The following SLC4A3 variants were observed in gnomAD, a reference collection of about 807,000 sequenced individuals.
The protein encoded by SLC4A3 is anion exchange protein 3.
A neutral mutation model predicts 114.2 loss-of-function variants in SLC4A3; 47 were observed. The observed-to-expected ratio is 0.41, with a 90% CI of 0.33 to 0.52. The LOEUF (loss-of-function observed/expected upper bound fraction) is 0.52, where lower values mean the gene tolerates loss of function less well. Among genes scored for constraint, SLC4A3 ranks in the 20% least tolerant of loss-of-function variants. The probability of loss-of-function intolerance (pLI) is 0.21; values close to 1 mark genes in which losing one functional copy is unlikely to be tolerated. For missense variants in SLC4A3, 1,312 were observed against 1,668.3 expected, an observed-to-expected ratio of 0.79 and a Z score of 3.72; for synonymous variants, 693 against 710.3, an observed-to-expected ratio of 0.98 and a Z score of 0.39.
rs1698815548 is a variant in SLC4A3, at chr2:219,628,865, C to T, written c.218-279C>T. 1.7e-6 allele frequency: 1 copy of T among 582,186 alleles called. No individual in the cohort carries two copies. Among genetic ancestry groups the T allele is most frequent in the African/African-American group, 1.9e-5 (1 of 53,550 alleles). The allele number at this position is 582,186 out of a possible 1,614,324, so 36.1% of individuals were successfully genotyped here. On this transcript the variant is annotated intron_variant, in intron 3 of 22. Coordinates refer to ENST00000358055, the MANE Select transcript of SLC4A3 (RefSeq NM_005070.4). The surrounding 1 kb of genome is among the most constrained non-coding windows in gnomAD (Gnocchi z 4.8). The stretch of plus-strand genomic sequence containing the variant: ...GTCCCCACTCACTCCCTCCTTGTCC[C>T]ACCTCGGCTAGTCCAACTCCGCCTT...
In SLC4A3 at chr2:219,636,466, G is replaced by A. The variant is rs747763230; in HGVS notation, c.2340+16G>A. ...CTTCTTCAAGGTGAGGCGAAGCCTT[G>A]CCCTGCTCCATCCATCCTGCCCCAC... On this transcript the variant is annotated intron_variant, in intron 15 of 22. Coordinates refer to ENST00000358055, the MANE Select transcript of SLC4A3 (RefSeq NM_005070.4). This position sits in a 1 kb window ranked among gnomAD's most constrained non-coding sequence, Gnocchi z 5.5. 1 of 1,588,656 alleles carries A rather than the reference G, an allele frequency of 6.3e-7. No homozygotes were observed.
In SLC4A3 at chr2:219,631,913, G is replaced by T; in HGVS notation, c.812-55G>T. ...GGTTGGGCAGAAGGAGCTGGGCCGT[G>T]ACCCCGAGGGCCCCAGCTGGACCTG... On this transcript the variant is annotated intron_variant, in intron 6 of 22. Coordinates refer to ENST00000358055, the MANE Select transcript of SLC4A3 (RefSeq NM_005070.4). This position sits in a 1 kb window ranked among gnomAD's most constrained non-coding sequence, Gnocchi z 6.3. 1 of 1,528,692 alleles carries T rather than the reference G, an allele frequency of 6.5e-7. No homozygotes were observed. Among genetic ancestry groups the T allele is most frequent in the Non-Finnish European group, 8.8e-7 (1 of 1,139,606 alleles). The allele number at this position is 1,528,692 out of a possible 1,614,324, so 94.7% of individuals were successfully genotyped here.
In SLC4A3 at chr2:219,633,954, T is replaced by C; in HGVS notation, c.1536T>C (p.Asp512=). 1 of 1,558,592 alleles carries C rather than the reference T, an allele frequency of 6.4e-7. No homozygotes were observed. The highest frequency in any genetic ancestry group is 1.2e-5 in the South Asian group (1 of 84,454). The stretch of plus-strand genomic sequence containing the variant: ...AGCTGCTGGAGAAGATCCCTGAAGA[T>C]GCTGAGGCCACGGTTGTGCTTGTGG... ...SLKLLEKIPE[D]AEATVVLVGC... The change falls in exon 11 of 23, where the codon GAT becomes GAC. Residue 512 remains aspartate (D), a synonymous_variant. Transcript: ENST00000358055.
In SLC4A3 at chr2:219,636,532, C is replaced by T; in HGVS notation, c.2340+82C>T. On this transcript the variant is annotated intron_variant, in intron 15 of 22. Coordinates refer to ENST00000358055, the MANE Select transcript of SLC4A3 (RefSeq NM_005070.4). This position sits in a 1 kb window ranked among gnomAD's most constrained non-coding sequence, Gnocchi z 5.5. ...CATCCTGCCCCACACTCTTCCTTACCTACATCCTGCCCCACACTCTTCCTT... is the reference window on the plus strand; with the variant it reads ...CATCCTGCCCCACACTCTTCCTTACTTACATCCTGCCCCACACTCTTCCTT... 4.7e-6 allele frequency: 7 copies of T among 1,505,182 alleles called. 1 individual carries two copies. The highest frequency in any genetic ancestry group is 1.4e-5 in the African/African-American group (1 of 71,642). 93.2% of individuals were successfully genotyped at this position (1,505,182 alleles called of 1,614,324 possible).
In SLC4A3 at chr2:219,631,359, C is replaced by T; in HGVS notation, c.812-609C>T. Reference sequence around the variant, plus strand: ...CCCCAGTCCTCGAGACTCACTGGCCCCGGAAGACTTAGAGATGTTTGTGCT... The same window carrying T: ...CCCCAGTCCTCGAGACTCACTGGCCTCGGAAGACTTAGAGATGTTTGTGCT... On this transcript the variant is annotated intron_variant, in intron 6 of 22. Transcript: ENST00000358055. This position sits in a 1 kb window ranked among gnomAD's most constrained non-coding sequence, Gnocchi z 6.3. 1 of 1,304,246 alleles carries T rather than the reference C, an allele frequency of 7.7e-7. No individual in the cohort carries two copies. The highest frequency in any genetic ancestry group is 1.0e-6 in the Non-Finnish European group (1 of 988,944). 80.8% of individuals were successfully genotyped at this position (1,304,246 alleles called of 1,614,324 possible).
rs756024392 is a variant in SLC4A3, at chr2:219,636,919, A to C, written c.2535+45A>C. 2.0e-5 allele frequency: 31 copies of C among 1,514,836 alleles called. No homozygotes were observed. In the South Asian group the frequency reaches 3.6e-4, roughly 18 times the overall value. 93.8% of individuals were successfully genotyped at this position (1,514,836 alleles called of 1,614,324 possible). Reference sequence around the variant, plus strand: ...TTGGGGGTGGCAGAGATGGAGGTGGACATTGCCCTGGGGAGGACAGCATGG... The same window carrying C: ...TTGGGGGTGGCAGAGATGGAGGTGGCCATTGCCCTGGGGAGGACAGCATGG... On this transcript the variant is annotated intron_variant, in intron 16 of 22. Coordinates refer to ENST00000358055, the MANE Select transcript of SLC4A3 (RefSeq NM_005070.4). This position sits in a 1 kb window ranked among gnomAD's most constrained non-coding sequence, Gnocchi z 5.5.
At position 219,641,842 on chromosome 2, in the gene SLC4A3, G is replaced by A; in HGVS notation, c.*114G>A. 2.5e-6 allele frequency: 2 copies of A among 814,214 alleles called. No homozygotes were observed. The highest frequency in any genetic ancestry group is 4.1e-6 in the Non-Finnish European group (2 of 491,264). The allele number at this position is 814,214 out of a possible 1,614,324, so 50.4% of individuals were successfully genotyped here. On this transcript the variant is annotated 3_prime_UTR_variant, in exon 23 of 23. Transcript: ENST00000358055. This position sits in a 1 kb window ranked among gnomAD's most constrained non-coding sequence, Gnocchi z 4.0. The stretch of plus-strand genomic sequence containing the variant: ...TCCTCAGGACCCAGAGATGTGCCTG[G>A]AACCACTCCTGATGCCATGGCTAGA...
chr2:219,641,027 T>C lies in SLC4A3; in HGVS notation c.3621+65T>C, dbSNP rs1699310194. On this transcript the variant is annotated intron_variant, in intron 22 of 22. Transcript: ENST00000358055. This position sits in a 1 kb window ranked among gnomAD's most constrained non-coding sequence, Gnocchi z 4.0. ...ATGGGCACTGGGTTCCAATCTCTGT[T>C]TGGCCACCCACTAGTTGTGTTAGTT... 2 of 1,471,710 alleles carry C rather than the reference T, an allele frequency of 1.4e-6. No homozygotes were observed. The highest frequency in any genetic ancestry group is 4.5e-5 in the East Asian group (2 of 44,020). The allele number at this position is 1,471,710 out of a possible 1,614,324, so 91.2% of individuals were successfully genotyped here. A position where few individuals can be genotyped will look rare whatever the true frequency, so the allele number is the denominator to read the frequency against.
Position 219,631,485 on chromosome 2 carries a change from G to A in SLC4A3, c.812-483G>A, listed in dbSNP as rs763713079. 53 of 1,297,678 alleles carry A rather than the reference G, an allele frequency of 4.1e-5. No homozygotes were observed. Among genetic ancestry groups the A allele is most frequent in the Admixed American group, 1.4e-4 (6 of 43,302 alleles). 80.4% of individuals were successfully genotyped at this position (1,297,678 alleles called of 1,614,324 possible). A position where few individuals can be genotyped will look rare whatever the true frequency, so the allele number is the denominator to read the frequency against. On this transcript the variant is annotated intron_variant, in intron 6 of 22. Transcript: ENST00000358055. This position sits in a 1 kb window ranked among gnomAD's most constrained non-coding sequence, Gnocchi z 6.3. ...GTAACGGGGCTGCTGGCCTTTCCCC[G>A]ACTGCTGCTGGCCTGGGTGGGGCAG...
chr2:219,637,508 A>T lies in SLC4A3; in HGVS notation c.2536-73A>T. On this transcript the variant is annotated intron_variant, in intron 16 of 22. Coordinates refer to ENST00000358055, the MANE Select transcript of SLC4A3 (RefSeq NM_005070.4). The surrounding 1 kb of genome is among the most constrained non-coding windows in gnomAD (Gnocchi z 4.6). ...ATTGAGGGGCCACCCTCTCTCTCACAGGTGTACTGATGACGATGAAGTCAG... is the reference window on the plus strand; with the variant it reads ...ATTGAGGGGCCACCCTCTCTCTCACTGGTGTACTGATGACGATGAAGTCAG... 1 of 803,448 alleles carries T rather than the reference A, an allele frequency of 1.2e-6. No individual in the cohort carries two copies. Among genetic ancestry groups the T allele is most frequent in the Non-Finnish European group, 2.1e-6 (1 of 482,956 alleles). 49.8% of individuals were successfully genotyped at this position (803,448 alleles called of 1,614,324 possible). A position where few individuals can be genotyped will look rare whatever the true frequency, so the allele number is the denominator to read the frequency against.
rs1468862144 is a variant in SLC4A3, at chr2:219,638,876, G to C, written c.3023+7G>C. The C allele has an allele frequency of 1.9e-6, 3 of 1,612,536 alleles. No homozygotes were observed. The highest frequency in any genetic ancestry group is 2.5e-6 in the Non-Finnish European group (3 of 1,179,948). Reference sequence around the variant, plus strand: ...TGGAGACACAGATCACGGCGTGAGAGAGATGGGAGGAGGAGGTGGGAGGGA... The same window carrying C: ...TGGAGACACAGATCACGGCGTGAGACAGATGGGAGGAGGAGGTGGGAGGGA... On this transcript the variant is annotated splice_region_variant and intron_variant, in intron 19 of 22. Transcript: ENST00000358055. The surrounding 1 kb of genome is among the most constrained non-coding windows in gnomAD (Gnocchi z 7.5).
Position 219,638,841 on chromosome 2 carries a change from C to T in SLC4A3, c.2995C>T (p.Leu999=). ...TGTTCCCGCCCTCCTCGTCCTCATC[C>T]TGATCTTCATGGAGACACAGATCAC... ...AAVPALLVLI[L]IFMETQITAL... The change falls in exon 19 of 23, where the codon CTG becomes TTG. Residue 999 remains leucine (L), a synonymous_variant. Coordinates refer to ENST00000358055, the MANE Select transcript of SLC4A3 (RefSeq NM_005070.4). The surrounding 1 kb of genome is among the most constrained non-coding windows in gnomAD (Gnocchi z 7.5). 3 of 1,614,074 alleles carry T rather than the reference C, an allele frequency of 1.9e-6. No homozygotes were observed. Among genetic ancestry groups the T allele is most frequent in the Non-Finnish European group, 2.5e-6 (3 of 1,180,044 alleles).
chr2:219,630,238 G>A lies in SLC4A3; in HGVS notation c.697G>A (p.Glu233Lys), dbSNP rs541674596. 2 of 1,613,286 alleles carry A rather than the reference G, an allele frequency of 1.2e-6. No homozygotes were observed. The highest frequency in any genetic ancestry group is 2.2e-5 in the East Asian group (1 of 44,866). Residue 233 changes from glutamate (E) to lysine (K), a missense_variant, in exon 6 of 23, where the codon GAG (glutamate) becomes AAG (lysine). Glu to Lys is a moderately conservative substitution (Grantham distance 56). Transcript: ENST00000358055. This position sits in a 1 kb window ranked among gnomAD's most constrained non-coding sequence, Gnocchi z 6.9. ...WSPSASYDLR[E>K]RLCPGSALGN... is the part of the protein sequence containing the mutation. ...CCCATCGGCCAGTTATGACCTGCGG[G>A]AGCGACTGTGCCCAGGCAGTGCCCT...
At position 219,632,415 on chromosome 2, in the gene SLC4A3, C is replaced by T. The variant is rs749092104; in HGVS notation, c.1114C>T (p.Leu372=). The T allele has an allele frequency of 1.2e-6, 2 of 1,605,570 alleles. No individual in the cohort carries two copies. Among genetic ancestry groups the T allele is most frequent in the Non-Finnish European group, 1.7e-6 (2 of 1,175,762 alleles). The part of the protein sequence containing the change: ...HVASLSFRSL[L]ELRRTIAHGA... ...TGCCTCGCTCTCCTTCCGTAGCCTT[C>T]TGGAGCTCAGGAGGACCATCGCCCA... Residue 372 remains leucine, a synonymous_variant, in exon 8 of 23, where the codon CTG becomes TTG. Transcript: ENST00000358055.
chr2:219,636,040 C>A lies in SLC4A3; in HGVS notation c.2191+149C>A. The A allele has an allele frequency of 1.4e-6, 1 of 740,520 alleles. No individual in the cohort carries two copies. Among genetic ancestry groups the A allele is most frequent in the Non-Finnish European group, 2.1e-6 (1 of 465,548 alleles). 45.9% of individuals were successfully genotyped at this position (740,520 alleles called of 1,614,324 possible). On this transcript the variant is annotated intron_variant, in intron 14 of 22. Transcript: ENST00000358055. The surrounding 1 kb of genome is among the most constrained non-coding windows in gnomAD (Gnocchi z 5.5). Reference sequence around the variant, plus strand: ...AAGGTGTAAGCACCTTACAGAGATGCTGGATCAGGGAATCCCAGCGATCAC... The same window carrying A: ...AAGGTGTAAGCACCTTACAGAGATGATGGATCAGGGAATCCCAGCGATCAC...
chr2:219,641,008 A>C lies in SLC4A3; in HGVS notation c.3621+46A>C, dbSNP rs926086190. ...GGAAACAGTGTTAGGGCAAATGGGC[A>C]CTGGGTTCCAATCTCTGTTTGGCCA... is the stretch of plus-strand genomic sequence containing the variant. On this transcript the variant is annotated intron_variant, in intron 22 of 22. Transcript: ENST00000358055. The surrounding 1 kb of genome is among the most constrained non-coding windows in gnomAD (Gnocchi z 4.0). 1 of 1,563,898 alleles carries C rather than the reference A, an allele frequency of 6.4e-7. No homozygotes were observed. Among genetic ancestry groups the C allele is most frequent in the Non-Finnish European group, 8.7e-7 (1 of 1,154,352 alleles).
chr2:219,629,132 C>T lies in SLC4A3; in HGVS notation c.218-12C>T, dbSNP rs569174563. On this transcript the variant is annotated splice_polypyrimidine_tract_variant and intron_variant, in intron 3 of 22. Coordinates refer to ENST00000358055, the MANE Select transcript of SLC4A3 (RefSeq NM_005070.4). ...GCTGTGGGGGCCTCAACCGGATCTC[C>T]TGCACCCCCAGTTCACCGGCACACA... 127 of 1,566,826 alleles carry T rather than the reference C, an allele frequency of 8.1e-5. No individual in the cohort carries two copies. The East Asian group carries it at 2.8e-3, about 34-fold the overall frequency.
intron 10 of SLC4A3, 60 bp from the exon 11 acceptor site, chr2:219,633,820 G>A (rs1356433842): frequency 6.5e-7 from 1 of 1,548,954 alleles, no homozygotes; most frequent in Non-Finnish European, 8.7e-7. Context: ...GCCAGGGCTG[G>A]GAGGGCCTGC....
chr2:219,633,799 CCAGGG>C, intron 10 of SLC4A3, 76 bp from the exon 11 acceptor site: 1 of 1,539,732 alleles, frequency 6.5e-7, no homozygotes, highest in Non-Finnish European at 8.8e-7. Flanking sequence ...GGTCTCAGAG[CCAGGG>C]CTGGAGCCAG....
Sources: gnomAD v4.1 joint callset for allele counts on GRCh38, gnomAD v4.1.1 for gene constraint, Gnocchi (gnomAD v3.1) non-coding constraint, MANE v1.5 for transcripts, NCBI Gene and HGNC (gene_info 2026-07-23, HGNC 2026-07-21) for gene names.